The following C1R variants were observed in gnomAD, a reference collection of about 807,000 sequenced individuals.
The protein encoded by C1R is complement C1r subcomponent.
C1R carries 15 observed loss-of-function variants against 27.6 expected under a neutral mutation model. The observed-to-expected ratio is 0.54, with a 90% CI of 0.36 to 0.84. The LOEUF (loss-of-function observed/expected upper bound fraction) is 0.84, where lower values mean the gene tolerates loss of function less well. Ranked by LOEUF, C1R falls within the 40% of genes least tolerant of loss-of-function variation. The pLI is 0.01. For synonymous variants in C1R, 253 were observed against 228.8 expected (o/e 1.11, Z -0.95); for missense variants, 544 against 577.9 (o/e 0.94, Z 0.60).
At chr12:7,085,433 A>ATGG (rs1413203450) in intron 9 of C1R, among the ~76,000 whole-genome samples, 1 of 143,098 alleles carries the variant, frequency 7.0e-6, no homozygotes. Context: ...GGTGTTGGTA[A>ATGG]TGGTGGTGAT....
chr12:7,090,827 A>T (rs1938259068), intron 2 of C1R, among the ~76,000 whole-genome samples: 1 of 152,024 alleles, frequency 6.6e-6, no homozygotes, highest in South Asian at 2.1e-4. Flanking sequence ...CCAACACTGC[A>T]CACTCGCCAA....
At chr12:7,089,518 G>A (rs73046140) in intron 4 of C1R, 29 bp from the exon 5 acceptor site, 20 of 779,406 alleles carry the variant, frequency 2.6e-5, no homozygotes, top group Middle Eastern at 2.3e-4. Flanking sequence ...AGGGCATTAC[G>A]GGGGACTCCA....
rs764705094 is a variant in C1R, at chr12:7,089,280, A to G, written c.768+13T>C. 1 of 779,202 alleles carries G rather than the reference A, an allele frequency of 1.3e-6. No homozygotes were observed. The highest frequency in any genetic ancestry group is 1.3e-5 in the South Asian group (1 of 74,366). The allele number at this position is 779,202 out of a possible 1,614,324, so 48.3% of individuals were successfully genotyped here. On this transcript the variant is annotated intron_variant, in intron 5 of 10. Coordinates refer to ENST00000647956, the MANE Select transcript of C1R (RefSeq NM_001733.7). Reference sequence around the variant, plus strand: ...GGGGAGGAAGGGGTCTTTCAGGGGTAGGACGGCTGTACCTGTAGCTGGTCA... The same window carrying G: ...GGGGAGGAAGGGGTCTTTCAGGGGTGGGACGGCTGTACCTGTAGCTGGTCA...
In C1R at chr12:7,080,884, A is replaced by C; in HGVS notation, c.1766T>G (p.Leu589Trp). ...CCCGAAGCCACTGACATAGCCCATC[A>C]AGCCCAGGTCGTAGAAGGTATCGTT... ...PDNDTFYDLG[L>W]MGYVSGFGVM... The change falls in exon 11 of 11, where the codon TTG becomes TGG. Residue 589 changes from leucine to tryptophan, a missense_variant. By Grantham distance (61) the Leu-to-Trp change is moderately conservative (BLOSUM62 -2). Around this residue, in one of 2 missense-constraint regions of C1R, gnomAD observed 253 missense variants for 368.9 expected, o/e 0.69. Coordinates refer to ENST00000647956, the MANE Select transcript of C1R (RefSeq NM_001733.7). This position sits in a 1 kb window ranked among gnomAD's most constrained non-coding sequence, Gnocchi z 4.9. 1 of 1,613,940 alleles carries C rather than the reference A, an allele frequency of 6.2e-7. No individual in the cohort carries two copies. The highest frequency in any genetic ancestry group is 8.5e-7 in the Non-Finnish European group (1 of 1,179,840).
At position 7,085,894 on chromosome 12, in the gene C1R, G is replaced by T; in HGVS notation, c.1240C>A (p.Gln414Lys). 1 of 398,676 alleles carries T rather than the reference G, an allele frequency of 2.5e-6. No individual in the cohort carries two copies. The highest frequency in any genetic ancestry group is 4.4e-6 in the Non-Finnish European group (1 of 226,100). The allele number at this position is 398,676 out of a possible 1,614,324, so 24.7% of individuals were successfully genotyped here. A position where few individuals can be genotyped will look rare whatever the true frequency, so the allele number is the denominator to read the frequency against. The change falls in exon 9 of 11, where the codon CAG becomes AAG. Residue 414 changes from glutamine to lysine, a missense_variant. Transcript: ENST00000647956. ...GACTCCCTGCTGCCAGCTCTGGTCTGCATCTTGTAATATGGCTCATGGCAG... is the reference window on the plus strand; with the variant it reads ...GACTCCCTGCTGCCAGCTCTGGTCTTCATCTTGTAATATGGCTCATGGCAG... Reference protein sequence around the residue: ...YYCHEPYYKMQTRAGSRESEQ... With the variant: ...YYCHEPYYKMKTRAGSRESEQ...
chr12:7,081,241 G>A lies in C1R; in HGVS notation c.1409C>T (p.Ala470Val). 1 of 1,612,960 alleles carries A rather than the reference G, an allele frequency of 6.2e-7. No individual in the cohort carries two copies. Residue 470 changes from alanine to valine, a missense_variant, in exon 11 of 11, where the codon GCC (alanine) becomes GTC (valine). Physicochemically the swap from Ala to Val is moderately conservative, Grantham distance 64. Around this residue, in one of 2 missense-constraint regions of C1R, gnomAD observed 253 missense variants for 368.9 expected, o/e 0.69. Transcript: ENST00000647956. ...CTGCCAGGGGAAGTTGCCCATCTTG[G>A]CTTTTTGCCCTCCGATGATGCGCTG... ...QRQRIIGGQK[A>V]KMGNFPWQVF...
chr12:7,080,837 G>C lies in C1R; in HGVS notation c.1813C>G (p.His605Asp). The C allele has an allele frequency of 6.2e-7, 1 of 1,613,940 alleles. No homozygotes were observed. The highest frequency in any genetic ancestry group is 1.3e-5 in the African/African-American group (1 of 75,034). ...GGCAGACGGACAAACCTGAGGTCAT[G>C]AGCAATCTTCTCCTCCATGACCCCG... ...GFGVMEEKIA[H>D]DLRFVRLPVA... Residue 605 changes from histidine (H) to aspartate (D), a missense_variant, in exon 11 of 11, where the codon CAT becomes GAT. Transcript: ENST00000647956. This position sits in a 1 kb window ranked among gnomAD's most constrained non-coding sequence, Gnocchi z 4.9.
chr12:7,085,335 T>C (rs1002234211), intron 9 of C1R, among the ~76,000 whole-genome samples: 2 of 149,180 alleles, frequency 1.3e-5, no homozygotes, highest in African/African-American at 5.0e-5. Context: ...TTGGTGGTGA[T>C]GATGATGTTG....
At position 7,081,039 on chromosome 12, in the gene C1R, G is replaced by A. The variant is rs1315042123; in HGVS notation, c.1611C>T (p.Ile537=). Residue 537 remains isoleucine, a synonymous_variant, in exon 11 of 11, where the codon ATC becomes ATT. Coordinates refer to ENST00000647956, the MANE Select transcript of C1R (RefSeq NM_001733.7). ...AGTCCGGGTGGACGCTGACCCTGCG[G>A]ATGGGGTGATTTCCTAGCTTCATGA... The part of the protein sequence containing the change: ...EELMKLGNHP[I]RRVSVHPDYR... 1 of 1,614,036 alleles carries A rather than the reference G, an allele frequency of 6.2e-7. No individual in the cohort carries two copies.
Position 7,088,747 on chromosome 12 carries a change from G to C in C1R, c.917-16C>G. On this transcript the variant is annotated splice_polypyrimidine_tract_variant and intron_variant, in intron 6 of 10. Transcript: ENST00000647956. Reference sequence around the variant, plus strand: ...CACTTGATGACTGTTGGGGAGACCAGGGGGCATATTTATTTCAGAGCCACT... The same window carrying C: ...CACTTGATGACTGTTGGGGAGACCACGGGGCATATTTATTTCAGAGCCACT... 1.3e-6 allele frequency: 1 copy of C among 777,394 alleles called. No individual in the cohort carries two copies. Among genetic ancestry groups the C allele is most frequent in the East Asian group, 2.4e-5 (1 of 41,142 alleles). 48.2% of individuals were successfully genotyped at this position (777,394 alleles called of 1,614,324 possible).
rs1026837259 is a variant in C1R at position 7,091,823 on chromosome 12, A to C, written c.3-143T>G. 5 of 705,606 alleles carry C rather than the reference A, an allele frequency of 7.1e-6. No homozygotes were observed. The highest frequency in any genetic ancestry group is 1.0e-5 in the Non-Finnish European group (4 of 384,498). 43.7% of individuals were successfully genotyped at this position (705,606 alleles called of 1,614,324 possible). A position where few individuals can be genotyped will look rare whatever the true frequency, so the allele number is the denominator to read the frequency against. ...CCCTGAACCTCACAGACATGTTCTCAGCAGGGGTGCGTGGGTGGGGAGGAT... is the reference window on the plus strand; with the variant it reads ...CCCTGAACCTCACAGACATGTTCTCCGCAGGGGTGCGTGGGTGGGGAGGAT... On this transcript the variant is annotated intron_variant, in intron 1 of 10. Coordinates refer to ENST00000647956, the MANE Select transcript of C1R (RefSeq NM_001733.7). The surrounding 1 kb of genome is among the most constrained non-coding windows in gnomAD (Gnocchi z 5.1).
At chr12:7,092,093 G>A (rs1254526659) in intron 1 of C1R, 6 of 585,146 alleles carry the variant, frequency 1.0e-5, no homozygotes, top group African/African-American at 9.3e-5. Flanking sequence ...GTGGAGTGGG[G>A]GACACAGGCA....
chr12:7,091,641 C>T lies in C1R; in HGVS notation c.42G>A (p.Arg14=), dbSNP rs1235818584. The change falls in exon 2 of 11, where the codon AGG becomes AGA. Residue 14 remains arginine, a synonymous_variant. Coordinates refer to ENST00000647956, the MANE Select transcript of C1R (RefSeq NM_001733.7). This position sits in a 1 kb window ranked among gnomAD's most constrained non-coding sequence, Gnocchi z 5.1. ...GAGGGATGGGAATGGAGCCTCCTGCCCTGCAGAACAGGGCCGGCACCAGGA... is the reference window on the plus strand; with the variant it reads ...GAGGGATGGGAATGGAGCCTCCTGCTCTGCAGAACAGGGCCGGCACCAGGA... ...LYLLVPALFC[R]AGGSIPIPQK... 6 of 756,106 alleles carry T rather than the reference C, an allele frequency of 7.9e-6. No individual in the cohort carries two copies. The highest frequency in any genetic ancestry group is 5.0e-5 in the East Asian group (2 of 40,052). 46.8% of individuals were successfully genotyped at this position (756,106 alleles called of 1,614,324 possible). A position where few individuals can be genotyped will look rare whatever the true frequency, so the allele number is the denominator to read the frequency against.
In C1R at chr12:7,085,502, G is replaced by T. The variant is rs936423321; in HGVS notation, c.1273+359C>A. ...AACAGTGTTGATTGTGGTGATGGCG[G>T]TGATGGTGGTGATTGTGCTGGCACT... On this transcript the variant is annotated intron_variant, in intron 9 of 10. Transcript: ENST00000647956. Among the ~76,000 whole-genome samples, 8 of 152,114 alleles carry T rather than the reference G, an allele frequency of 5.3e-5. No individual in the cohort carries two copies. In the East Asian group the frequency reaches 1.4e-3, roughly 26 times the overall value.
intron 8 of C1R, 103 bp from the exon 9 acceptor site, chr12:7,086,119 A>G (rs1423793853): frequency 7.5e-6 from 3 of 398,044 alleles, no homozygotes; most frequent in Admixed American, 4.4e-5. Context: ...TCAGAAGCTT[A>G]GAAAAGATAG....
In C1R at chr12:7,088,905, C is replaced by T. The variant is rs1340988971; in HGVS notation, c.850G>A (p.Asp284Asn). 1.3e-6 allele frequency: 1 copy of T among 776,066 alleles called. No homozygotes were observed. The highest frequency in any genetic ancestry group is 1.7e-5 in the Admixed American group (1 of 58,340). 48.1% of individuals were successfully genotyped at this position (776,066 alleles called of 1,614,324 possible). ...PDLDTSSNAVDLLFFTDESGD... is the reference protein window; with the variant it reads ...PDLDTSSNAVNLLFFTDESGD... Reference sequence around the variant, plus strand: ...GACTCATCTGTGAAGAACAGCAGATCCACAGCATTGCTGCTGGTGTCGAGG... The same window carrying T: ...GACTCATCTGTGAAGAACAGCAGATTCACAGCATTGCTGCTGGTGTCGAGG... The change falls in exon 6 of 11, where the codon GAT (aspartate) becomes AAT (asparagine). Residue 284 changes from aspartate to asparagine, a missense_variant. Transcript: ENST00000647956.
Position 7,080,853 on chromosome 12 carries a change from C to T in C1R, c.1797G>A (p.Met599Ile). ...LMGYVSGFGVMEEKIAHDLRF... is the reference protein window; with the variant it reads ...LMGYVSGFGVIEEKIAHDLRF... ...TGAGGTCATGAGCAATCTTCTCCTC[C>T]ATGACCCCGAAGCCACTGACATAGC... Residue 599 changes from methionine to isoleucine, a missense_variant, in exon 11 of 11, where the codon ATG (methionine) becomes ATA (isoleucine). Met to Ile is a conservative substitution (Grantham distance 10). Coordinates refer to ENST00000647956, the MANE Select transcript of C1R (RefSeq NM_001733.7). This position sits in a 1 kb window ranked among gnomAD's most constrained non-coding sequence, Gnocchi z 4.9. 1 of 1,613,952 alleles carries T rather than the reference C, an allele frequency of 6.2e-7. No homozygotes were observed. Among genetic ancestry groups the T allele is most frequent in the South Asian group, 1.1e-5 (1 of 91,074 alleles).
At chr12:7,090,944 C>T (rs963697078) in intron 2 of C1R, among the ~76,000 whole-genome samples, 2 of 152,206 alleles carry the variant, frequency 1.3e-5, no homozygotes, top group African/African-American at 4.8e-5. Context: ...TGCTTGAGCC[C>T]TGAATCTCAT....
intron 9 of C1R, among the ~76,000 whole-genome samples, chr12:7,082,532 C>T (rs971435336): frequency 4.6e-5 from 7 of 152,016 alleles, no homozygotes; most frequent in Non-Finnish European, 5.9e-5. Flanking sequence ...AGGGTTTCAC[C>T]GTGTTAGCCA....
Sources: gnomAD v4.1 joint callset for allele counts (sites outside exome capture counted in the v4.1 genomes callset) on GRCh38, gnomAD v4.1.1 for gene constraint, gnomAD v4.1.1 regional missense constraint, Gnocchi (gnomAD v3.1) non-coding constraint, MANE v1.5 for transcripts, NCBI Gene and HGNC (gene_info 2026-07-23, HGNC 2026-07-21) for gene names.